FAM98B: variants seen among roughly 807,000 people sequenced by gnomAD.
FAM98B encodes the protein tRNA-splicing ligase complex subunit FAM98B.
Under a neutral mutation model 43.9 loss-of-function variants are expected in FAM98B, and 32 were observed. The ratio of observed to expected loss-of-function variants is 0.73; its 90% CI spans 0.55 to 0.98. The LOEUF is 0.98. Among genes scored for constraint, FAM98B ranks in the 50% least tolerant of loss-of-function variants. FAM98B has a pLI of 0.00. For missense variants in FAM98B, 514 were observed against 522.9 expected (o/e 0.98, Z 0.17); for synonymous variants, 190 against 174.0 (o/e 1.09, Z -0.72).
intron 6 of FAM98B, among the ~76,000 whole-genome samples, chr15:38,475,999 C>G (rs894452350): frequency 4.6e-5 from 7 of 152,182 alleles, no homozygotes; most frequent in South Asian, 2.1e-4. Context: ...CTTGGCTGCT[C>G]TACTACCTTC....
Position 38,486,764 on chromosome 15 carries a change from T to C in FAM98B, c.*2105T>C, listed in dbSNP as rs922617300. 2 of 152,168 alleles carry C rather than the reference T, an allele frequency of 1.3e-5. No individual in the cohort carries two copies. Among genetic ancestry groups the C allele is most frequent in the Non-Finnish European group, 2.9e-5 (2 of 67,992 alleles). 9.4% of individuals were successfully genotyped at this position (152,168 alleles called of 1,614,324 possible). A position where few individuals can be genotyped will look rare whatever the true frequency, so the allele number is the denominator to read the frequency against. ...TTCCTGTAAGGTGGGATTTTCCTGA[T>C]AATCTTTGTTCAGTAAAAATTTCTT... On this transcript the variant is annotated 3_prime_UTR_variant, in exon 8 of 8. Transcript: ENST00000397609.
At chr15:38,457,056 A>G (rs541842232) in intron 1 of FAM98B, among the ~76,000 whole-genome samples, 65 of 152,338 alleles carry the variant, frequency 4.3e-4, no homozygotes, top group African/African-American at 1.5e-3. Context: ...TGGAAAATAG[A>G]TTGGAGAATT....
rs142983887 is a variant in FAM98B, at chr15:38,485,035, A to G, written c.*376A>G. On this transcript the variant is annotated 3_prime_UTR_variant, in exon 8 of 8. Transcript: ENST00000397609. ...ATTTTGTTCAGGTTTGAGACATATAAAAGACCCCACCTGTAATAGAAAGGA... is the reference window on the plus strand; with the variant it reads ...ATTTTGTTCAGGTTTGAGACATATAGAAGACCCCACCTGTAATAGAAAGGA... 614 of 167,694 alleles carry G rather than the reference A, an allele frequency of 3.7e-3. 7 individuals are homozygous for G. Among genetic ancestry groups the G allele is most frequent in the African/African-American group, 0.014 (589 of 41,854 alleles). 10.4% of individuals were successfully genotyped at this position (167,694 alleles called of 1,614,324 possible). A position where few individuals can be genotyped will look rare whatever the true frequency, so the allele number is the denominator to read the frequency against.
At chr15:38,458,786 T>C (rs8030757) in intron 1 of FAM98B, 269,349 of 420,050 alleles carry the variant, frequency 0.64, 87,391 homozygotes, top group South Asian at 0.77. Flanking sequence ...CTGGTATAGA[T>C]GTCCTCTGCT....
At chr15:38,472,627 AC>A (rs1237355432) in intron 4 of FAM98B, among the ~76,000 whole-genome samples, 2 of 151,978 alleles carry the variant, frequency 1.3e-5, no homozygotes, top group African/African-American at 2.4e-5. Context: ...CTTTTCCATC[AC>A]CCTCAGAAGA....
chr15:38,475,210 G>C (rs1416381091), intron 6 of FAM98B, among the ~76,000 whole-genome samples: 1 of 152,062 alleles, frequency 6.6e-6, no homozygotes, highest in Admixed American at 6.6e-5. Flanking sequence ...GGGTTGGGGG[G>C]CAGGGCGATG....
At chr15:38,468,586 T>C (rs904195390) in intron 3 of FAM98B, among the ~76,000 whole-genome samples, 3 of 152,146 alleles carry the variant, frequency 2.0e-5, no homozygotes, top group African/African-American at 4.8e-5. Flanking sequence ...TTAATATTGG[T>C]CTTAAAGTTT....
At chr15:38,459,488 G>T in intron 1 of FAM98B, 1 of 337,300 alleles carries the variant, frequency 3.0e-6, no homozygotes, top group South Asian at 2.4e-5. Flanking sequence ...CTTGCTTGGT[G>T]AGCACCAGGG....
chr15:38,470,179 G>T, intron 3 of FAM98B, 48 bp from the exon 4 acceptor site: 1 of 1,275,080 alleles, frequency 7.8e-7, no homozygotes, highest in Non-Finnish European at 1.0e-6. Context: ...AATATTTCAA[G>T]AGATTCTTAT....
chr15:38,466,235 G>A (rs905632658), intron 3 of FAM98B, among the ~76,000 whole-genome samples: 5 of 150,598 alleles, frequency 3.3e-5, no homozygotes, highest in Non-Finnish European at 5.9e-5. Flanking sequence ...GGTGACAAAA[G>A]TATTGGCATT....
chr15:38,475,874 T>A (rs912333879), intron 6 of FAM98B, among the ~76,000 whole-genome samples: 41 of 152,138 alleles, frequency 2.7e-4, no homozygotes, highest in East Asian at 7.7e-4. Context: ...TGCTTTTTTT[T>A]AAAAAACTAT....
At chr15:38,484,178 G>A (rs1890328282) in intron 7 of FAM98B, 77 bp from the exon 8 acceptor site, 1 of 1,362,052 alleles carries the variant, frequency 7.3e-7, no homozygotes, top group Non-Finnish European at 1.0e-6. Context: ...CTGTTTATTA[G>A]AAACAACATC....
chr15:38,484,201 TA>T, intron 7 of FAM98B, 53 bp from the exon 8 acceptor site: 2 of 1,510,740 alleles, frequency 1.3e-6, no homozygotes, highest in Non-Finnish European at 1.8e-6. Context: ...TTGAAACTTT[TA>T]TGTAAACTTT....
intron 1 of FAM98B, among the ~76,000 whole-genome samples, chr15:38,455,017 C>G (rs2141049269): frequency 6.6e-6 from 1 of 152,184 alleles, no homozygotes; most frequent in Non-Finnish European, 1.5e-5. Context: ...AGCTCTTGTC[C>G]CCATCCCAAA....
Position 38,458,894 on chromosome 15 carries a change from T to G in FAM98B, c.71+4662T>G, listed in dbSNP as rs151162299. 52 of 441,974 alleles carry G rather than the reference T, an allele frequency of 1.2e-4. No individual in the cohort carries two copies. The East Asian group carries it at 2.9e-3, about 25-fold the overall frequency. 27.4% of individuals were successfully genotyped at this position (441,974 alleles called of 1,614,324 possible). A position where few individuals can be genotyped will look rare whatever the true frequency, so the allele number is the denominator to read the frequency against. On this transcript the variant is annotated intron_variant, in intron 1 of 7. Coordinates refer to ENST00000397609, the MANE Select transcript of FAM98B (RefSeq NM_173611.4). ...CACTGCATTCTCTGGGTGGAAGATG[T>G]AAGAAGCAGACAAGTTGTCCAGGAT...
chr15:38,460,299 A>G (rs1403783612), intron 1 of FAM98B, among the ~76,000 whole-genome samples: 1 of 152,256 alleles, frequency 6.6e-6, no homozygotes, highest in African/African-American at 2.4e-5. Flanking sequence ...TATGAAATAA[A>G]TGTGGTAAAC....
intron 6 of FAM98B, among the ~76,000 whole-genome samples, chr15:38,474,810 C>G (rs1184993568): frequency 5.9e-5 from 9 of 152,082 alleles, no homozygotes; most frequent in Admixed American, 5.9e-4. Context: ...TGTACCCATG[C>G]TTAGTCTGGG....
intron 6 of FAM98B, 104 bp downstream of exon 6, chr15:38,474,402 A>G (rs1423022276): frequency 7.3e-6 from 5 of 686,152 alleles, no homozygotes; most frequent in Non-Finnish European, 9.9e-6. Flanking sequence ...CTTCATCACC[A>G]TCTCAACTAC....
At chr15:38,465,182 T>G in intron 2 of FAM98B, 87 bp from the exon 3 acceptor site, 1 of 1,330,832 alleles carries the variant, frequency 7.5e-7, no homozygotes. Flanking sequence ...GAATTGAATG[T>G]AAAATGGAAA....
Sources: gnomAD v4.1 joint callset for allele counts (sites outside exome capture counted in the v4.1 genomes callset) on GRCh38, gnomAD v4.1.1 for gene constraint, MANE v1.5 for transcripts, NCBI Gene and HGNC (gene_info 2026-07-23, HGNC 2026-07-21) for gene names.